The following GRB14 variants were observed in gnomAD, a reference collection of about 807,000 sequenced individuals.
GRB14 encodes growth factor receptor bound protein 14, also known as growth factor receptor-bound protein 14.
A neutral mutation model predicts 69.1 loss-of-function variants in GRB14; 38 were observed. That is an observed-to-expected ratio of 0.55 (90% CI 0.42 to 0.72). The LOEUF (loss-of-function observed/expected upper bound fraction) is 0.72, where lower values mean the gene tolerates loss of function less well. Ranked by LOEUF, GRB14 falls within the 30% of genes least tolerant of loss-of-function variation. GRB14 has a pLI of 0.00. For missense variants in GRB14, 666 were observed against 666.1 expected, an observed-to-expected ratio of 1.00 and a Z score of 0.00; for synonymous variants, 247 against 241.3, an observed-to-expected ratio of 1.02 and a Z score of -0.22.
chr2:164,621,149 G>A lies in GRB14; in HGVS notation c.161C>T (p.Pro54Leu), dbSNP rs901142595. The A allele has an allele frequency of 2.4e-6, 3 of 1,245,700 alleles. No homozygotes were observed. The highest frequency in any genetic ancestry group is 3.1e-5 in the African/African-American group (2 of 64,426). 77.2% of individuals were successfully genotyped at this position (1,245,700 alleles called of 1,614,324 possible). ...WLHARALLPL[P>L]DGTRGCAADR... ...TGCAGCACAGCCGCGGGTCCCGTCC[G>A]GAAGGGGCAGGAGCGCTCGCGCGTG... The change falls in exon 1 of 14, where the codon CCG (proline) becomes CTG (leucine). Residue 54 changes from proline (P) to leucine (L), a missense_variant. By Grantham distance (98) the Pro-to-Leu change is moderately conservative. Transcript: ENST00000263915. The surrounding 1 kb of genome is among the most constrained non-coding windows in gnomAD (Gnocchi z 6.0).
At chr2:164,517,450 A>G (rs13035519) in intron 6 of GRB14, among the ~76,000 whole-genome samples, 1 of 152,222 alleles carries the variant, frequency 6.6e-6, no homozygotes, top group South Asian at 2.1e-4. Context: ...TGATGAAAAA[A>G]GAAACAAGGT....
Position 164,621,278 on chromosome 2 carries a change from G to A in GRB14, c.32C>T (p.Ala11Val). The change falls in exon 1 of 14, where the codon GCC becomes GTC. Residue 11 changes from alanine (A) to valine (V), a missense_variant. Coordinates refer to ENST00000263915, the MANE Select transcript of GRB14 (RefSeq NM_004490.3). This position sits in a 1 kb window ranked among gnomAD's most constrained non-coding sequence, Gnocchi z 6.0. ...ATCCCGGGCAGCCGCCCTGCTCGCG[G>A]CGCTCTGCCCATCTTGCAGGGAAGT... MTTSLQDGQS[A>V]ASRAAARDSP... 1 of 1,285,014 alleles carries A rather than the reference G, an allele frequency of 7.8e-7. No homozygotes were observed. The highest frequency in any genetic ancestry group is 9.8e-7 in the Non-Finnish European group (1 of 1,015,550). The allele number at this position is 1,285,014 out of a possible 1,614,324, so 79.6% of individuals were successfully genotyped here.
chr2:164,591,316 TAA>T (rs918218432), intron 2 of GRB14, among the ~76,000 whole-genome samples: 1 of 152,186 alleles, frequency 6.6e-6, no homozygotes, highest in African/African-American at 2.4e-5. Flanking sequence ...AACATTACAT[TAA>T]AAGTGTTTAC....
At chr2:164,514,042 T>TATCTATG (rs1687412916) in intron 6 of GRB14, among the ~76,000 whole-genome samples, 1 of 152,364 alleles carries the variant, frequency 6.6e-6, no homozygotes, top group South Asian at 2.1e-4. Flanking sequence ...TGCACATGTG[T>TATCTATG]ATCTATGTAA....
At chr2:164,532,985 G>C (rs993985538) in intron 3 of GRB14, among the ~76,000 whole-genome samples, 1 of 151,934 alleles carries the variant, frequency 6.6e-6, no homozygotes, top group Non-Finnish European at 1.5e-5. Flanking sequence ...GGATGGTGTA[G>C]GTCCCAAGTG....
intron 12 of GRB14, among the ~76,000 whole-genome samples, chr2:164,495,262 A>T (rs1375618412): frequency 2.6e-5 from 4 of 151,542 alleles, no homozygotes; most frequent in Non-Finnish European, 4.4e-5. Flanking sequence ...TTTTATTATA[A>T]CCCCCTCTTC....
chr2:164,578,385 A>T (rs1463430535), intron 2 of GRB14, among the ~76,000 whole-genome samples: 1 of 152,180 alleles, frequency 6.6e-6, no homozygotes, highest in Admixed American at 6.5e-5. Flanking sequence ...CAAAACACAT[A>T]TTGAGTAAGT....
intron 3 of GRB14, among the ~76,000 whole-genome samples, chr2:164,530,634 G>GA (rs1000751988): frequency 1.3e-4 from 19 of 150,204 alleles, no homozygotes; most frequent in East Asian, 5.9e-4. Flanking sequence ...GGAGAAGCAA[G>GA]AAAAAAAAAC....
At chr2:164,576,464 A>T (rs191216080) in intron 2 of GRB14, among the ~76,000 whole-genome samples, 2 of 152,102 alleles carry the variant, frequency 1.3e-5, no homozygotes, top group African/African-American at 4.8e-5. Context: ...TAAATTCCAG[A>T]ATACAGATAA....
rs1334550007 is a variant in GRB14, at chr2:164,621,482, C to A, written c.-173G>T. 4.0e-5 allele frequency: 5 copies of A among 125,910 alleles called. No homozygotes were observed. Among genetic ancestry groups the A allele is most frequent in the African/African-American group, 1.6e-4 (5 of 32,112 alleles). The allele number at this position is 125,910 out of a possible 1,614,324, so 7.8% of individuals were successfully genotyped here. On this transcript the variant is annotated 5_prime_UTR_variant, in exon 1 of 14. Coordinates refer to ENST00000263915, the MANE Select transcript of GRB14 (RefSeq NM_004490.3). This position sits in a 1 kb window ranked among gnomAD's most constrained non-coding sequence, Gnocchi z 6.0. ...CTGAGACGCGCGGCCGAGCTATCTG[C>A]GAGGCGGCGGGGGAGGGGAGGGGGC...
At chr2:164,543,418 A>G (rs1419672464) in intron 3 of GRB14, among the ~76,000 whole-genome samples, 1 of 152,212 alleles carries the variant, frequency 6.6e-6, no homozygotes, top group Non-Finnish European at 1.5e-5. Flanking sequence ...TACAGCCATC[A>G]TGGATGCTGG....
chr2:164,497,827 C>G (rs985196312), intron 9 of GRB14, among the ~76,000 whole-genome samples: 1 of 152,256 alleles, frequency 6.6e-6, no homozygotes, highest in Middle Eastern at 3.4e-3. Context: ...AATGGGAAAA[C>G]TTCCATTTAG....
chr2:164,565,922 A>G (rs1688960120), intron 2 of GRB14, among the ~76,000 whole-genome samples: 1 of 152,218 alleles, frequency 6.6e-6, no homozygotes, highest in Non-Finnish European at 1.5e-5. Context: ...ACTACCAGAG[A>G]CACTTACAGC....
chr2:164,547,553 T>C lies in GRB14; in HGVS notation c.481+107A>G, dbSNP rs1181390027. ...AGGAACTGGGATCACCTACAAGATATAGAAAATTATCTCAAAACACCAAAT... is the reference window on the plus strand; with the variant it reads ...AGGAACTGGGATCACCTACAAGATACAGAAAATTATCTCAAAACACCAAAT... On this transcript the variant is annotated intron_variant, in intron 3 of 13. Coordinates refer to ENST00000263915, the MANE Select transcript of GRB14 (RefSeq NM_004490.3). 4 of 859,406 alleles carry C rather than the reference T, an allele frequency of 4.7e-6. No homozygotes were observed. The African/African-American group carries it at 5.1e-5, about 11-fold the overall frequency. 53.2% of individuals were successfully genotyped at this position (859,406 alleles called of 1,614,324 possible).
chr2:164,516,332 A>G (rs969293865), intron 6 of GRB14, among the ~76,000 whole-genome samples: 3 of 152,070 alleles, frequency 2.0e-5, no homozygotes, highest in African/African-American at 7.2e-5. Context: ...CAGGTAACCT[A>G]TAAAAGAAAA....
At chr2:164,592,068 C>T (rs1295420406) in intron 2 of GRB14, among the ~76,000 whole-genome samples, 4 of 152,134 alleles carry the variant, frequency 2.6e-5, no homozygotes, top group African/African-American at 7.2e-5. Flanking sequence ...TCTCTAGCCA[C>T]GTGGAAGTGT....
At chr2:164,570,149 C>T (rs1447615894) in intron 2 of GRB14, among the ~76,000 whole-genome samples, 1 of 151,772 alleles carries the variant, frequency 6.6e-6, no homozygotes, top group African/African-American at 2.4e-5. Flanking sequence ...GTGGCACGTG[C>T]CTGTAGTCCC....
chr2:164,588,291 C>A (rs570891479), intron 2 of GRB14, among the ~76,000 whole-genome samples: 15 of 152,190 alleles, frequency 9.9e-5, no homozygotes, highest in African/African-American at 3.1e-4. Flanking sequence ...GAAATGTTGC[C>A]AATGTACCTC....
At chr2:164,500,994 TTTTGGACTCTAAAAGAAA>T (rs1477066503) in intron 9 of GRB14, among the ~76,000 whole-genome samples, 2 of 152,124 alleles carry the variant, frequency 1.3e-5, no homozygotes, top group Non-Finnish European at 2.9e-5. Context: ...ATCCTAATAA[TTTTGGACTCTAAAAGAAA>T]TTTGGAGGAG....
Sources: allele counts gnomAD v4.1 joint callset (sites outside exome capture counted in the v4.1 genomes callset), GRCh38; gene constraint gnomAD v4.1.1; non-coding constraint Gnocchi (gnomAD v3.1); transcripts MANE v1.5; gene names NCBI Gene and HGNC (gene_info 2026-07-23, HGNC 2026-07-21).